TXLNB: variants seen among roughly 807,000 people sequenced by gnomAD.
The protein encoded by TXLNB is beta-taxilin.
TXLNB carries 37 observed loss-of-function variants against 57.4 expected under a neutral mutation model. That is an observed-to-expected ratio of 0.64 (90% CI 0.50 to 0.85). TXLNB has a LOEUF of 0.85. TXLNB is among the 40% of genes least tolerant of loss of function. TXLNB has a pLI of 0.00. For missense variants in TXLNB, 848 were observed against 825.6 expected (o/e 1.03, Z -0.33); for synonymous variants, 302 against 309.6 (o/e 0.98, Z 0.26).
chr6:139,210,093 C>T, the TXLNB span, among the ~76,000 whole-genome samples: 1 of 151,982 alleles, frequency 6.6e-6, no homozygotes, highest in Non-Finnish European at 1.5e-5. Context: ...AAACAGCCAA[C>T]AAACATATGA....
the TXLNB span, among the ~76,000 whole-genome samples, chr6:139,168,384 T>C: frequency 2.6e-5 from 4 of 151,540 alleles, no homozygotes; most frequent in African/African-American, 9.7e-5. Flanking sequence ...TAGGACTCCT[T>C]TTGTTTTTAT....
chr6:139,323,540 C>A, the TXLNB span, among the ~76,000 whole-genome samples: 1 of 152,170 alleles, frequency 6.6e-6, no homozygotes, highest in Non-Finnish European at 1.5e-5. Context: ...GCCTCGGCCT[C>A]CCAGAGTGCT....
chr6:139,160,749 T>G, the TXLNB span, among the ~76,000 whole-genome samples: 2 of 152,236 alleles, frequency 1.3e-5, no homozygotes, highest in African/African-American at 4.8e-5. Flanking sequence ...GTATGGCATG[T>G]TCAAAACATT....
At chr6:139,265,327 G>A (rs1562280180) in intron 4 of TXLNB, among the ~76,000 whole-genome samples, 1 of 152,080 alleles carries the variant, frequency 6.6e-6, no homozygotes, top group Non-Finnish European at 1.5e-5. Flanking sequence ...TTGAGGCTCA[G>A]ATTTATCACT....
At chr6:139,165,527 C>T in the TXLNB span, among the ~76,000 whole-genome samples, 1 of 151,572 alleles carries the variant, frequency 6.6e-6, no homozygotes, top group African/African-American at 2.4e-5. Context: ...AATAGATTCA[C>T]TTCCCTAAAA....
At chr6:139,244,149 C>G (rs1776019487) in intron 9 of TXLNB, among the ~76,000 whole-genome samples, 1 of 152,200 alleles carries the variant, frequency 6.6e-6, no homozygotes, top group South Asian at 2.1e-4. Context: ...AAAGATATCT[C>G]CATATCTGTT....
the TXLNB span, among the ~76,000 whole-genome samples, chr6:139,194,466 A>G: frequency 6.6e-6 from 1 of 152,220 alleles, no homozygotes; most frequent in East Asian, 1.9e-4. Context: ...TCAATTACTG[A>G]CAAGTCCAAT....
the TXLNB span, among the ~76,000 whole-genome samples, chr6:139,171,788 G>A: frequency 6.6e-5 from 10 of 151,498 alleles, no homozygotes; most frequent in African/African-American, 2.2e-4. Context: ...CACCACACTC[G>A]GCTTATTTAA....
intron 2 of TXLNB, among the ~76,000 whole-genome samples, chr6:139,278,331 C>T (rs1776953574): frequency 6.6e-6 from 1 of 152,256 alleles, no homozygotes; most frequent in African/African-American, 2.4e-5. Flanking sequence ...TGACCTCATT[C>T]CCAACAGTTA....
chr6:139,206,755 AC>A, the TXLNB span, among the ~76,000 whole-genome samples: 25 of 152,304 alleles, frequency 1.6e-4, 1 homozygote, highest in African/African-American at 5.8e-4. Flanking sequence ...CATGAGACTT[AC>A]CTAACACATA....
chr6:139,284,993 G>A (rs1777138517), intron 2 of TXLNB, among the ~76,000 whole-genome samples: 1 of 145,118 alleles, frequency 6.9e-6, no homozygotes, highest in African/African-American at 2.5e-5. Context: ...GGCACAGAAA[G>A]GTCATGAGCC....
the TXLNB span, among the ~76,000 whole-genome samples, chr6:139,222,570 G>A: frequency 6.6e-6 from 1 of 152,200 alleles, no homozygotes. Context: ...ACTTTGGGAA[G>A]CCGAGGCAGG....
the TXLNB span, among the ~76,000 whole-genome samples, chr6:139,219,875 G>A: frequency 6.6e-6 from 1 of 152,166 alleles, no homozygotes; most frequent in Non-Finnish European, 1.5e-5. Flanking sequence ...CTAATGTTCT[G>A]TTTTCTTGCT....
chr6:139,295,269 T>G (rs1777369606), upstream of TXLNB, among the ~76,000 whole-genome samples: 1 of 152,202 alleles, frequency 6.6e-6, no homozygotes, highest in Non-Finnish European at 1.5e-5. Flanking sequence ...ATCTGTGGCC[T>G]GATAGGGGCC....
the TXLNB span, among the ~76,000 whole-genome samples, chr6:139,298,074 A>G: frequency 6.6e-6 from 1 of 152,232 alleles, no homozygotes; most frequent in South Asian, 2.1e-4. Flanking sequence ...CAACTCTTTA[A>G]TTTGTACTAA....
chr6:139,224,427 C>T, the TXLNB span, among the ~76,000 whole-genome samples: 5 of 150,940 alleles, frequency 3.3e-5, no homozygotes, highest in Admixed American at 1.3e-4. Context: ...TGCACATGTA[C>T]CCTAAAACTT....
At chr6:139,234,497 G>A in the TXLNB span, 2 of 152,432 alleles carry the variant, frequency 1.3e-5, no homozygotes, top group Non-Finnish European at 1.5e-5. Flanking sequence ...GCTAAAAGGG[G>A]TCAAGGTACA....
chr6:139,167,424 T>G, the TXLNB span: 1 of 1,038,322 alleles, frequency 9.6e-7, no homozygotes, highest in Non-Finnish European at 1.4e-6. Context: ...ACCAGTGTTG[T>G]TTTTTTGTTC....
At chr6:139,177,253 C>T in the TXLNB span, 7 of 554,740 alleles carry the variant, frequency 1.3e-5, no homozygotes, top group Non-Finnish European at 1.6e-5. The surrounding 1 kb of genome is among the most constrained non-coding windows in gnomAD (Gnocchi z 4.9). Context: ...ATAGGGGCTG[C>T]CCTTGCCCTG....
Sources: allele counts gnomAD v4.1 joint callset (sites outside exome capture counted in the v4.1 genomes callset), GRCh38; gene constraint gnomAD v4.1.1; non-coding constraint Gnocchi (gnomAD v3.1); transcripts MANE v1.5; gene names NCBI Gene and HGNC (gene_info 2026-07-23, HGNC 2026-07-21).